The following DLG1 variants were observed in gnomAD, a reference collection of about 807,000 sequenced individuals.
DLG1 encodes discs large MAGUK scaffold protein 1.
A neutral mutation model predicts 123.4 loss-of-function variants in DLG1; 42 were observed. The observed-to-expected ratio is 0.34, with a 90% CI of 0.27 to 0.44. The LOEUF (loss-of-function observed/expected upper bound fraction) is 0.44. DLG1 is among the 20% of genes least tolerant of loss of function. The probability of loss-of-function intolerance (pLI) is 1.00; values close to 1 mark genes in which losing one functional copy is unlikely to be tolerated. For missense variants in DLG1, 942 were observed against 1,082.6 expected (o/e 0.87, Z 1.82); for synonymous variants, 317 against 356.2 (o/e 0.89, Z 1.24).
At chr3:197,183,862 G>A (rs1714126777) in intron 5 of DLG1, 22 of 1,526,474 alleles carry the variant, frequency 1.4e-5, no homozygotes, top group Non-Finnish European at 5.3e-6. Flanking sequence ...ACCAGCTGCT[G>A]AGTGGTGAAT....
At chr3:197,291,871 A>C (rs561677259) in intron 3 of DLG1, among the ~76,000 whole-genome samples, 1 of 152,242 alleles carries the variant, frequency 6.6e-6, no homozygotes, top group Non-Finnish European at 1.5e-5. Context: ...AAAGTGCTCA[A>C]TAAATGTTGG....
At chr3:197,283,563 G>A (rs1463804422) in intron 3 of DLG1, among the ~76,000 whole-genome samples, 1 of 152,092 alleles carries the variant, frequency 6.6e-6, no homozygotes, top group Non-Finnish European at 1.5e-5. Flanking sequence ...TTTGCAATCA[G>A]CTAGAATTAT....
chr3:197,121,674 C>T (rs1776448491), intron 11 of DLG1, among the ~76,000 whole-genome samples: 1 of 151,538 alleles, frequency 6.6e-6, no homozygotes, highest in African/African-American at 2.4e-5. Context: ...TCATGTATAA[C>T]TTCTATGATC....
At chr3:197,045,046 T>G (rs1280287216) in intron 24 of DLG1, among the ~76,000 whole-genome samples, 1 of 152,012 alleles carries the variant, frequency 6.6e-6, no homozygotes, top group South Asian at 2.1e-4. Context: ...GATTTCTCCA[T>G]AAACATATGT....
At chr3:197,147,809 T>TA (rs1469205212) in intron 6 of DLG1, among the ~76,000 whole-genome samples, 3 of 149,842 alleles carry the variant, frequency 2.0e-5, no homozygotes, top group African/African-American at 7.4e-5. Flanking sequence ...CCTAAAAACT[T>TA]ACTGAAATTA....
chr3:197,053,924 T>C (rs1729761065), intron 23 of DLG1, among the ~76,000 whole-genome samples: 1 of 151,884 alleles, frequency 6.6e-6, no homozygotes, highest in Non-Finnish European at 1.5e-5. Context: ...AAATCCTGTC[T>C]CTCTAAAAAA....
intron 23 of DLG1, among the ~76,000 whole-genome samples, chr3:197,056,186 C>G (rs1306345881): frequency 6.6e-6 from 1 of 152,190 alleles, no homozygotes; most frequent in Non-Finnish European, 1.5e-5. Context: ...CAGACAGATT[C>G]TGCCAGTGCA....
At chr3:197,079,817 T>C (rs1266793076) in intron 17 of DLG1, among the ~76,000 whole-genome samples, 2 of 152,176 alleles carry the variant, frequency 1.3e-5, no homozygotes, top group Non-Finnish European at 2.9e-5. Context: ...AAATGGAATG[T>C]AACACATAAT....
chr3:197,081,521 G>A (rs1367332353), intron 16 of DLG1, among the ~76,000 whole-genome samples: 3 of 152,192 alleles, frequency 2.0e-5, no homozygotes, highest in African/African-American at 7.2e-5. Context: ...AAAAACTGGT[G>A]AAAGTGGGAG....
chr3:197,084,405 G>A (rs1269473140), intron 16 of DLG1, among the ~76,000 whole-genome samples: 1 of 151,580 alleles, frequency 6.6e-6, no homozygotes. Context: ...TCCACCTCCT[G>A]GGTTCAAGCA....
intron 19 of DLG1, 89 bp downstream of exon 19, chr3:197,069,130 T>C: frequency 1.2e-6 from 1 of 834,830 alleles, no homozygotes; most frequent in East Asian, 2.9e-5. Context: ...AACTTCAGGT[T>C]TTTATAACAT....
At chr3:197,202,992 C>A (rs1182573672) in intron 4 of DLG1, among the ~76,000 whole-genome samples, 1 of 152,052 alleles carries the variant, frequency 6.6e-6, no homozygotes, top group Non-Finnish European at 1.5e-5. Flanking sequence ...TAATTTTAGG[C>A]CTGGGACAGG....
chr3:197,291,189 T>C (rs771408246), intron 3 of DLG1, among the ~76,000 whole-genome samples: 2 of 151,112 alleles, frequency 1.3e-5, no homozygotes, highest in Admixed American at 6.6e-5. Context: ...CTCAATCTAA[T>C]TGAATCAAAA....
intron 5 of DLG1, among the ~76,000 whole-genome samples, chr3:197,157,710 A>G (rs1167600259): frequency 6.6e-6 from 1 of 152,210 alleles, no homozygotes; most frequent in Non-Finnish European, 1.5e-5. Context: ...GTCACATAGA[A>G]TTTCACGGTA....
intron 5 of DLG1, among the ~76,000 whole-genome samples, chr3:197,186,059 C>T (rs1242230447): frequency 1.3e-5 from 2 of 152,198 alleles, no homozygotes; most frequent in Non-Finnish European, 2.9e-5. Flanking sequence ...AATCCATTCA[C>T]ATCAAGAAAA....
intron 4 of DLG1, among the ~76,000 whole-genome samples, chr3:197,237,823 G>A (rs1437758713): frequency 2.0e-5 from 3 of 152,312 alleles, no homozygotes; most frequent in East Asian, 3.9e-4. Context: ...GCAGTAATGA[G>A]GCATTCCAAC....
chr3:197,183,556 T>A (rs1023053725), intron 5 of DLG1: 6 of 1,543,432 alleles, frequency 3.9e-6, no homozygotes, highest in Non-Finnish European at 5.3e-6. Flanking sequence ...GAAAATAATT[T>A]CAACAAGTGG....
Position 197,102,746 on chromosome 3 carries a change from G to T in DLG1, c.1546+2157C>A, listed in dbSNP as rs535081371. On this transcript the variant is annotated intron_variant, in intron 14 of 24. Coordinates refer to ENST00000667157, the MANE Select transcript of DLG1 (RefSeq NM_001366207.1). ...AAAAATAAGCCGGGCGTGGTGGCAG[G>T]TGCCTGTAATCCCACCTACTTGGGA... is the stretch of plus-strand genomic sequence containing the variant. Among the ~76,000 whole-genome samples the T allele has an allele frequency of 1.0e-3, 152 of 152,268 alleles. 1 individual carries two copies. Among genetic ancestry groups the T allele is most frequent in the African/African-American group, 3.5e-3 (144 of 41,560 alleles).
chr3:197,128,930 G>T (rs1781146438), intron 11 of DLG1, among the ~76,000 whole-genome samples: 1 of 152,082 alleles, frequency 6.6e-6, no homozygotes, highest in Non-Finnish European at 1.5e-5. Flanking sequence ...TGTCATTCAG[G>T]CTTTGTTGCT....
Sources: allele counts gnomAD v4.1 joint callset (sites outside exome capture counted in the v4.1 genomes callset), GRCh38; gene constraint gnomAD v4.1.1; transcripts MANE v1.5; gene names NCBI Gene and HGNC (gene_info 2026-07-23, HGNC 2026-07-21).